Variants in MAML2 observed in about 807,000 individuals in gnomAD.
The protein encoded by MAML2 is mastermind-like protein 2.
In MAML2, 22 loss-of-function variants were observed where a neutral mutation model predicts 96.1. The ratio of observed to expected loss-of-function variants is 0.23; its 90% CI spans 0.16 to 0.33. The LOEUF is 0.33. MAML2 is among the 10% of genes least tolerant of loss of function. MAML2 has a pLI of 1.00. For missense variants in MAML2, 1,367 were observed against 1,392.4 expected (o/e 0.98, Z 0.29); for synonymous variants, 561 against 521.3 (o/e 1.08, Z -1.04).
chr11:96,325,914 C>T (rs1359533506), intron 1 of MAML2, among the ~76,000 whole-genome samples: 3 of 152,212 alleles, frequency 2.0e-5, no homozygotes, highest in African/African-American at 7.2e-5. Flanking sequence ...CCTCTTCTAG[C>T]TCTGTGGGTA....
At chr11:96,239,699 T>C (rs752216229) in intron 1 of MAML2, among the ~76,000 whole-genome samples, 1 of 152,092 alleles carries the variant, frequency 6.6e-6, no homozygotes, top group Non-Finnish European at 1.5e-5. Flanking sequence ...GAGTCTATTG[T>C]ATCATTAGGA....
chr11:96,265,216 G>T (rs1324755264), intron 1 of MAML2, among the ~76,000 whole-genome samples: 1 of 152,224 alleles, frequency 6.6e-6, no homozygotes, highest in Non-Finnish European at 1.5e-5. Flanking sequence ...TGTGAAAATG[G>T]ACAGAAAAGT....
chr11:96,279,070 T>C (rs1440212857), intron 1 of MAML2, among the ~76,000 whole-genome samples: 2 of 152,012 alleles, frequency 1.3e-5, no homozygotes, highest in Non-Finnish European at 2.9e-5. Flanking sequence ...CACATATTTC[T>C]GGTTAGGATA....
chr11:96,193,493 A>T (rs2135923622), intron 1 of MAML2, among the ~76,000 whole-genome samples: 1 of 152,358 alleles, frequency 6.6e-6, no homozygotes, highest in Non-Finnish European at 1.5e-5. Flanking sequence ...TACGTTAAAG[A>T]TATGCTGATA....
chr11:96,132,180 A>C (rs1860558394), intron 1 of MAML2, among the ~76,000 whole-genome samples: 2 of 152,186 alleles, frequency 1.3e-5, no homozygotes, highest in African/African-American at 4.8e-5. Context: ...GATCTCCAAA[A>C]AGTTAGCCTA....
At chr11:96,071,953 C>G (rs1157124140) in intron 2 of MAML2, among the ~76,000 whole-genome samples, 1 of 152,116 alleles carries the variant, frequency 6.6e-6, no homozygotes, top group Admixed American at 6.5e-5. Flanking sequence ...GAGATGAGTC[C>G]GTCTTCAGTT....
At chr11:96,054,808 A>C (rs1201988076) in intron 2 of MAML2, among the ~76,000 whole-genome samples, 1 of 152,208 alleles carries the variant, frequency 6.6e-6, no homozygotes, top group East Asian at 1.9e-4. Flanking sequence ...CAAACTAAAT[A>C]AAGAGTTTGA....
At chr11:96,102,000 G>A (rs529017916) in intron 1 of MAML2, among the ~76,000 whole-genome samples, 1 of 152,326 alleles carries the variant, frequency 6.6e-6, no homozygotes, top group South Asian at 2.1e-4. Flanking sequence ...TTTTCAGCCA[G>A]GCATGGTGGC....
chr11:96,097,881 G>A (rs80063561), intron 1 of MAML2, among the ~76,000 whole-genome samples: 2,779 of 152,196 alleles, frequency 0.018, 58 homozygotes, highest in East Asian at 0.095. Flanking sequence ...CATTTCATAA[G>A]TGAAAAAATT....
At chr11:96,336,987 T>C (rs1808911654) in intron 1 of MAML2, among the ~76,000 whole-genome samples, 1 of 152,222 alleles carries the variant, frequency 6.6e-6, no homozygotes, top group African/African-American at 2.4e-5. Context: ...GTTTACATGA[T>C]AACATCACCT....
intron 1 of MAML2, among the ~76,000 whole-genome samples, chr11:96,118,746 C>G (rs1720508593): frequency 6.6e-6 from 1 of 152,036 alleles, no homozygotes; most frequent in African/African-American, 2.4e-5. Flanking sequence ...CAGAATAAGT[C>G]AAGAAGTGAT....
intron 4 of MAML2, among the ~76,000 whole-genome samples, chr11:95,980,993 CAG>C (rs1337120777): frequency 1.3e-5 from 2 of 152,178 alleles, no homozygotes; most frequent in East Asian, 1.9e-4. Flanking sequence ...ACTGGGAAGA[CAG>C]GGTGGAGCCT....
chr11:96,325,111 A>G (rs1481013990), intron 1 of MAML2, among the ~76,000 whole-genome samples: 1 of 152,054 alleles, frequency 6.6e-6, no homozygotes, highest in African/African-American at 2.4e-5. Context: ...CATTCTTTCT[A>G]GGGGAGTCAT....
intron 1 of MAML2, among the ~76,000 whole-genome samples, chr11:96,166,709 A>G (rs1477572061): frequency 6.6e-6 from 1 of 152,234 alleles, no homozygotes; most frequent in African/African-American, 2.4e-5. Flanking sequence ...AAAGCATCCA[A>G]TACAAAGGTA....
intron 2 of MAML2, among the ~76,000 whole-genome samples, chr11:96,003,553 G>T (rs974975754): frequency 6.6e-6 from 1 of 152,102 alleles, no homozygotes; most frequent in Non-Finnish European, 1.5e-5. Context: ...GGATTTCAGT[G>T]AGTAGACAGC....
chr11:96,162,501 G>T (rs964144623), intron 1 of MAML2, among the ~76,000 whole-genome samples: 1 of 151,754 alleles, frequency 6.6e-6, no homozygotes, highest in Non-Finnish European at 1.5e-5. Context: ...ATCACCTGAG[G>T]TTGGGAGTTG....
intron 1 of MAML2, among the ~76,000 whole-genome samples, chr11:96,326,391 GTA>G (rs1863781713): frequency 6.7e-6 from 1 of 150,274 alleles, no homozygotes; most frequent in Admixed American, 6.6e-5. Context: ...GTGTGTGCAT[GTA>G]TGTGTGTGTG....
At chr11:96,132,242 T>C (rs958676250) in intron 1 of MAML2, among the ~76,000 whole-genome samples, 2 of 152,212 alleles carry the variant, frequency 1.3e-5, no homozygotes, top group African/African-American at 4.8e-5. Flanking sequence ...GAGGCATTTG[T>C]TGCAGTACCT....
chr11:96,317,408 C>A (rs1863646402), intron 1 of MAML2, among the ~76,000 whole-genome samples: 1 of 152,154 alleles, frequency 6.6e-6, no homozygotes, highest in Non-Finnish European at 1.5e-5. Flanking sequence ...CCTGTGTCTC[C>A]AAAAGAGCCA....
Sources: gnomAD v4.1 joint callset for allele counts (sites outside exome capture counted in the v4.1 genomes callset) on GRCh38, gnomAD v4.1.1 for gene constraint, MANE v1.5 for transcripts, NCBI Gene and HGNC (gene_info 2026-07-23, HGNC 2026-07-21) for gene names.